The following OR2L5 variants were observed in gnomAD, a reference collection of about 807,000 sequenced individuals.
The protein encoded by OR2L5 is olfactory receptor 2L5.
For synonymous variants in OR2L5, 169 were observed against 142.0 expected (o/e 1.19, Z -1.35); for missense variants, 413 against 381.6 (o/e 1.08, Z -0.69).
intron 1 of OR2L5, among the ~76,000 whole-genome samples, chr1:248,016,965 A>G (rs1662214644): frequency 6.6e-6 from 1 of 152,182 alleles, no homozygotes; most frequent in East Asian, 1.9e-4. Context: ...ATCCTGACAT[A>G]TTGCAAGTGC....
chr1:248,019,918 G>C (rs1467080861), intron 1 of OR2L5, among the ~76,000 whole-genome samples: 1 of 152,046 alleles, frequency 6.6e-6, no homozygotes, highest in Non-Finnish European at 1.5e-5. Context: ...TCCCCAAGTA[G>C]CTGGGACTAC....
At chr1:248,015,171 T>G (rs2103072396) in intron 1 of OR2L5, among the ~76,000 whole-genome samples, 1 of 152,332 alleles carries the variant, frequency 6.6e-6, no homozygotes, top group Non-Finnish European at 1.5e-5. Context: ...TCCAAATTCA[T>G]ACCCTTCTCA....
At chr1:248,015,044 G>C (rs1305576368) in intron 1 of OR2L5, among the ~76,000 whole-genome samples, 1 of 152,092 alleles carries the variant, frequency 6.6e-6, no homozygotes, top group Non-Finnish European at 1.5e-5. Flanking sequence ...CTATCTATGA[G>C]AGCTGATGCA....
At chr1:248,020,788 C>T (rs7543865) in intron 1 of OR2L5, among the ~76,000 whole-genome samples, 8,127 of 151,620 alleles carry the variant, frequency 0.054, 683 homozygotes, top group African/African-American at 0.18. Flanking sequence ...TCATTTATTT[C>T]ATTTCATTTT....
At position 248,022,403 on chromosome 1, in the gene OR2L5, C is replaced by T. The variant is rs757415893; in HGVS notation, c.456C>T (p.Ser152=). The change falls in exon 2 of 2, where the codon TCC becomes TCT. Residue 152 remains serine, a synonymous_variant. Coordinates refer to ENST00000355281, the MANE Select transcript of OR2L5 (RefSeq NM_001258284.2). ...LMITGSWMIG[S]INSCAHTVYA... ...TAACAGGATCTTGGATGATAGGCTC[C>T]ATCAACTCTTGTGCTCACACAGTAT... 6.2e-7 allele frequency: 1 copy of T among 1,614,012 alleles called. No homozygotes were observed. Among genetic ancestry groups the T allele is most frequent in the Non-Finnish European group, 8.5e-7 (1 of 1,180,024 alleles).
chr1:248,014,923 A>C (rs577184040), intron 1 of OR2L5, among the ~76,000 whole-genome samples: 1 of 152,206 alleles, frequency 6.6e-6, no homozygotes, highest in African/African-American at 2.4e-5. Context: ...AGTGAAGCAG[A>C]CTAAGCACAT....
chr1:248,021,939 G>A lies in OR2L5; in HGVS notation c.-9G>A, dbSNP rs757952700. 6.2e-7 allele frequency: 1 copy of A among 1,605,908 alleles called. No individual in the cohort carries two copies. The highest frequency in any genetic ancestry group is 1.1e-5 in the South Asian group (1 of 90,180). ...TGTCTCCCTTCAGGAAGGATCGTAT[G>A]AATGCCCCATGGAAAATTACAATCA... On this transcript the variant is annotated 5_prime_UTR_variant, in exon 2 of 2. The change abolishes an upstream ATG in the 5' untranslated region. Transcript: ENST00000355281.
In OR2L5 at chr1:248,022,811, C is replaced by T; in HGVS notation, c.864C>T (p.Ile288=). ...TCACCCCAATGCTCAACCCCATCAT[C>T]TACAGCCTGAGAAACAAGGAGGTGA... The part of the protein sequence containing the change: ...TILTPMLNPI[I]YSLRNKEVMG... Residue 288 remains isoleucine, a synonymous_variant, in exon 2 of 2, where the codon ATC becomes ATT. Transcript: ENST00000355281. 1 of 1,613,794 alleles carries T rather than the reference C, an allele frequency of 6.2e-7. No individual in the cohort carries two copies. The highest frequency in any genetic ancestry group is 8.5e-7 in the Non-Finnish European group (1 of 1,179,936).
At position 248,022,205 on chromosome 1, in the gene OR2L5, T is replaced by G; in HGVS notation, c.258T>G (p.Tyr86Ter). ...CTAAGATGGCTTCTGATTTTCTGTA[T>G]GGAAACAAGTCTATCTCCTTCATTG... ...IVPKMASDFL[Y>*]GNKSISFIGC... Residue 86 changes from tyrosine to a stop codon, truncating the protein, a stop_gained, in exon 2 of 2, where the codon TAT becomes TAG. Transcript: ENST00000355281. LOFTEE classifies it low-confidence loss of function (END_TRUNC). 1 of 1,614,164 alleles carries G rather than the reference T, an allele frequency of 6.2e-7. No homozygotes were observed. The highest frequency in any genetic ancestry group is 8.5e-7 in the Non-Finnish European group (1 of 1,180,004).
Position 248,022,043 on chromosome 1 carries a change from C to T in OR2L5, c.96C>T (p.Leu32=), listed in dbSNP as rs1271576058. Reference sequence around the variant, plus strand: ...TTTTCCTCTTCATTCTCTTTGTTCTCATTTTCCTAATGGCTCTAATTGGAA... The same window carrying T: ...TTTTCCTCTTCATTCTCTTTGTTCTTATTTTCCTAATGGCTCTAATTGGAA... ...IGLFLFILFV[L]IFLMALIGNL... Residue 32 remains leucine (L), a synonymous_variant, in exon 2 of 2, where the codon CTC becomes CTT. Transcript: ENST00000355281. 8.7e-6 allele frequency: 14 copies of T among 1,613,970 alleles called. No individual in the cohort carries two copies. The highest frequency in any genetic ancestry group is 1.2e-5 in the Non-Finnish European group (14 of 1,179,864).
intron 1 of OR2L5, among the ~76,000 whole-genome samples, chr1:248,016,296 G>C (rs1268767279): frequency 6.6e-6 from 1 of 152,120 alleles, no homozygotes; most frequent in Non-Finnish European, 1.5e-5. Flanking sequence ...ATTTACACAG[G>C]AGATTACATG....
In OR2L5 at chr1:248,023,393, G is replaced by T. The variant is rs1662396527; in HGVS notation, c.*507G>T. ...AGTATGTCTGGGGTGAAGCCAATTT[G>T]CCTTTAGTAAAACAACAATTTCTTT... On this transcript the variant is annotated 3_prime_UTR_variant, in exon 2 of 2. Coordinates refer to ENST00000355281, the MANE Select transcript of OR2L5 (RefSeq NM_001258284.2). The T allele has an allele frequency of 6.6e-6, 1 of 152,112 alleles. No homozygotes were observed. The highest frequency in any genetic ancestry group is 1.5e-5 in the Non-Finnish European group (1 of 68,078). 9.4% of individuals were successfully genotyped at this position (152,112 alleles called of 1,614,324 possible). A position where few individuals can be genotyped will look rare whatever the true frequency, so the allele number is the denominator to read the frequency against.
In OR2L5 at chr1:248,023,828, T is replaced by C. The variant is rs1662408461; in HGVS notation, c.*942T>C. On this transcript the variant is annotated 3_prime_UTR_variant, in exon 2 of 2. Transcript: ENST00000355281. ...TGAGGAGAGGAGGCAAGAAGGAAGG[T>C]AGAATGAACAAGTAAGAGAAAAGCC... 1 of 152,156 alleles carries C rather than the reference T, an allele frequency of 6.6e-6. No individual in the cohort carries two copies. Among genetic ancestry groups the C allele is most frequent in the Non-Finnish European group, 1.5e-5 (1 of 68,032 alleles). The allele number at this position is 152,156 out of a possible 1,614,324, so 9.4% of individuals were successfully genotyped here.
At chr1:248,018,167 A>AAAAC (rs1558184499) in intron 1 of OR2L5, among the ~76,000 whole-genome samples, 2 of 150,968 alleles carry the variant, frequency 1.3e-5, no homozygotes, top group African/African-American at 5.0e-5. Context: ...AAATAAAAAA[A>AAAAC]AAAATTCGTT....
rs540152762 is a variant in OR2L5 at position 248,016,424 on chromosome 1, A to C, written c.-22+2686A>C. Among the ~76,000 whole-genome samples, 4 of 152,220 alleles carry C rather than the reference A, an allele frequency of 2.6e-5. No homozygotes were observed. In the South Asian group the frequency reaches 6.2e-4, roughly 24 times the overall value. On this transcript the variant is annotated intron_variant, in intron 1 of 1. Transcript: ENST00000355281. ...TCTTCTTTCTTTGAAAATATGTATGATTGTTGCCTGGTCAAGGAAAGTACA... is the reference window on the plus strand; with the variant it reads ...TCTTCTTTCTTTGAAAATATGTATGCTTGTTGCCTGGTCAAGGAAAGTACA...
In OR2L5 at chr1:248,021,826, T is replaced by C. The variant is rs1258659016; in HGVS notation, c.-21-101T>C. 3 of 682,872 alleles carry C rather than the reference T, an allele frequency of 4.4e-6. No individual in the cohort carries two copies. In the African/African-American group the frequency reaches 5.4e-5, roughly 12 times the overall value. The allele number at this position is 682,872 out of a possible 1,614,324, so 42.3% of individuals were successfully genotyped here. ...AAAAAATAGTGTATATAGGGTTCAGTGTCAACTGCAATTTCAGGCATTCAC... is the reference window on the plus strand; with the variant it reads ...AAAAAATAGTGTATATAGGGTTCAGCGTCAACTGCAATTTCAGGCATTCAC... On this transcript the variant is annotated intron_variant, in intron 1 of 1. Coordinates refer to ENST00000355281, the MANE Select transcript of OR2L5 (RefSeq NM_001258284.2).
In OR2L5 at chr1:248,021,944, C is replaced by T. The variant is rs748271144; in HGVS notation, c.-4C>T. The T allele has an allele frequency of 8.7e-6, 14 of 1,607,560 alleles. No homozygotes were observed. Among genetic ancestry groups the T allele is most frequent in the African/African-American group, 5.4e-5 (4 of 74,730 alleles). The stretch of plus-strand genomic sequence containing the variant: ...CCCTTCAGGAAGGATCGTATGAATG[C>T]CCCATGGAAAATTACAATCAAACGT... On this transcript the variant is annotated 5_prime_UTR_variant, in exon 2 of 2. Transcript: ENST00000355281.
rs2103076150 is a variant in OR2L5, at chr1:248,019,477, A to G, written c.-21-2450A>G. 3.3e-5 allele frequency among the ~76,000 whole-genome samples: 5 copies of G among 152,238 alleles called. 1 individual carries two copies. The Middle Eastern group carries it at 0.017, about 518-fold the overall frequency. Reference sequence around the variant, plus strand: ...AGAGGCTGTAGAACTTCATTTTGGCACTGACTATACTTTTATGGTTTTAGC... The same window carrying G: ...AGAGGCTGTAGAACTTCATTTTGGCGCTGACTATACTTTTATGGTTTTAGC... On this transcript the variant is annotated intron_variant, in intron 1 of 1. Transcript: ENST00000355281.
rs145544361 is a variant in OR2L5, at chr1:248,020,124, A to G, written c.-21-1803A>G. Among the ~76,000 whole-genome samples, 777 of 152,242 alleles carry G rather than the reference A, an allele frequency of 5.1e-3. 6 individuals are homozygous for G. Among genetic ancestry groups the G allele is most frequent in the African/African-American group, 0.017 (700 of 41,552 alleles). On this transcript the variant is annotated intron_variant, in intron 1 of 1. Transcript: ENST00000355281. ...GGTATACATGTCTGGCTTTATACCA[A>G]TGCCATACTGTTTTGATTACCATAG...
Sources: allele counts gnomAD v4.1 joint callset (sites outside exome capture counted in the v4.1 genomes callset), GRCh38; gene constraint gnomAD v4.1.1; transcripts MANE v1.5; gene names NCBI Gene and HGNC (gene_info 2026-07-23, HGNC 2026-07-21).